ERN1: variants seen among roughly 807,000 people sequenced by gnomAD.
ERN1 encodes serine/threonine-protein kinase/endoribonuclease IRE1.
ERN1 carries 39 observed loss-of-function variants against 113.1 expected under a neutral mutation model. That is an observed-to-expected ratio of 0.34 (90% CI 0.27 to 0.45). The LOEUF is 0.45. Among genes scored for constraint, ERN1 ranks in the 20% least tolerant of loss-of-function variants. ERN1 has a pLI of 1.00. For synonymous variants in ERN1, 507 were observed against 515.9 expected (o/e 0.98, Z 0.23); for missense variants, 976 against 1,274.8 (o/e 0.77, Z 3.57).
At position 64,046,746 on chromosome 17, in the gene ERN1, T is replaced by C. The variant is rs1393885712; in HGVS notation, c.2529+1112A>G. Among the ~76,000 whole-genome samples the C allele has an allele frequency of 1.1e-4, 17 of 152,274 alleles. No individual in the cohort carries two copies. The East Asian group carries it at 1.2e-3, about 10-fold the overall frequency. On this transcript the variant is annotated intron_variant, in intron 19 of 21. Transcript: ENST00000433197. ...CCAGTCAGACCCCAGGAGAGCATGA[T>C]GGTCACTTCTCAGTACGGTGCCCAC... is the stretch of plus-strand genomic sequence containing the variant.
rs185159099 is a variant in ERN1 at position 64,044,790 on chromosome 17, T to C, written c.2721+70A>G. The C allele has an allele frequency of 3.2e-5, 32 of 1,006,054 alleles. No homozygotes were observed. The highest frequency in any genetic ancestry group is 4.5e-5 in the Non-Finnish European group (29 of 650,520). 62.3% of individuals were successfully genotyped at this position (1,006,054 alleles called of 1,614,324 possible). ...GTACAGATAAAAGATTTATAAAGAA[T>C]GGATGAAAGGAGGAAGGTGTCCATG... On this transcript the variant is annotated intron_variant, in intron 21 of 21. Coordinates refer to ENST00000433197, the MANE Select transcript of ERN1 (RefSeq NM_001433.5). This position sits in a 1 kb window ranked among gnomAD's most constrained non-coding sequence, Gnocchi z 4.1.
rs768435979 is a variant in ERN1 at position 64,080,734 on chromosome 17, A to G, written c.209+41T>C. On this transcript the variant is annotated intron_variant, in intron 3 of 21. Transcript: ENST00000433197. ...CATAAACACTGATTGAATGAAGAAG[A>G]CTGAATTAAAGGGAAGTACTGAGCG... is the stretch of plus-strand genomic sequence containing the variant. 13 of 1,588,796 alleles carry G rather than the reference A, an allele frequency of 8.2e-6. 1 individual carries two copies. The highest frequency in any genetic ancestry group is 1.7e-4 in the Middle Eastern group (1 of 6,008).
At chr17:64,064,574 C>T (rs1347632422) in intron 9 of ERN1, among the ~76,000 whole-genome samples, 1 of 152,194 alleles carries the variant, frequency 6.6e-6, no homozygotes, top group Non-Finnish European at 1.5e-5. Context: ...TGTCTATTCA[C>T]AGAAGCAGCC....
chr17:64,051,094 C>CA (rs1187508051), intron 17 of ERN1, among the ~76,000 whole-genome samples: 1 of 138,662 alleles, frequency 7.2e-6, no homozygotes, highest in African/African-American at 2.7e-5. Context: ...AAGTAAATAA[C>CA]AAAAAAAGGA....
chr17:64,051,687 T>G (rs1912689568), intron 17 of ERN1, among the ~76,000 whole-genome samples: 1 of 152,194 alleles, frequency 6.6e-6, no homozygotes, highest in Non-Finnish European at 1.5e-5. Context: ...TGGAAAGATT[T>G]GTAAATTCCA....
Position 64,041,501 on chromosome 17 carries a change from A to G in ERN1, c.*2487T>C, listed in dbSNP as rs1912336759. The stretch of plus-strand genomic sequence containing the variant: ...AGAATTCTCGAGACTAGAACTGGAT[A>G]CACCAGATGATGCCCAAGGTGTTTT... On this transcript the variant is annotated 3_prime_UTR_variant, in exon 22 of 22. Transcript: ENST00000433197. 1 of 152,208 alleles carries G rather than the reference A, an allele frequency of 6.6e-6. No homozygotes were observed. The highest frequency in any genetic ancestry group is 1.5e-5 in the Non-Finnish European group (1 of 68,044). The allele number at this position is 152,208 out of a possible 1,614,324, so 9.4% of individuals were successfully genotyped here.
rs751106915 is a variant in ERN1, at chr17:64,068,190, T to C, written c.580A>G (p.Lys194Glu). 5.0e-6 allele frequency: 8 copies of C among 1,603,832 alleles called. No individual in the cohort carries two copies. In the East Asian group the frequency reaches 9.0e-5, roughly 18 times the overall value. ...GTGAAATCCAGCAGAGAGCACTTAC[T>C]GTAGTCCACGTCGTCCTCAGGCAGT... is the stretch of plus-strand genomic sequence containing the variant. The part of the protein sequence containing the change: ...ASLPEDDVDY[K>E]MSHFVSNGDG... Residue 194 changes from lysine to glutamate, a missense_variant and splice_region_variant, in exon 7 of 22, where the codon AAG (lysine) becomes GAG (glutamate). Coordinates refer to ENST00000433197, the MANE Select transcript of ERN1 (RefSeq NM_001433.5).
chr17:64,068,635 T>G (rs1036098466), intron 6 of ERN1, among the ~76,000 whole-genome samples: 1 of 152,186 alleles, frequency 6.6e-6, no homozygotes, highest in African/African-American at 2.4e-5. Context: ...ATTGGCACCT[T>G]GAAGCAGGAT....
At chr17:64,065,410 G>A (rs527687133) in intron 8 of ERN1, 123 bp from the exon 9 acceptor site, 207 of 670,080 alleles carry the variant, frequency 3.1e-4, no homozygotes, top group African/African-American at 2.1e-3. Flanking sequence ...AGACATGGAG[G>A]AACGCAGTAG....
intron 1 of ERN1, among the ~76,000 whole-genome samples, chr17:64,099,212 A>T (rs1476669763): frequency 6.6e-6 from 1 of 152,232 alleles, no homozygotes; most frequent in African/African-American, 2.4e-5. Flanking sequence ...ATGCTTATAT[A>T]CATTATCAAT....
chr17:64,054,812 C>T lies in ERN1; in HGVS notation c.1689G>A (p.Val563=). 1.2e-6 allele frequency: 2 copies of T among 1,608,582 alleles called. No homozygotes were observed. The highest frequency in any genetic ancestry group is 1.1e-5 in the South Asian group (1 of 89,468). ...EQDDGDEETS[V]VIVGKISFCP... ...AGAAGGAAATTTTCCCAACTATCAC[C>T]ACGCTGGTTTCCTCATCTGGGACAA... The change falls in exon 14 of 22, where the codon GTG becomes GTA. Residue 563 remains valine, a synonymous_variant. Coordinates refer to ENST00000433197, the MANE Select transcript of ERN1 (RefSeq NM_001433.5). This position sits in a 1 kb window ranked among gnomAD's most constrained non-coding sequence, Gnocchi z 4.9.
At chr17:64,117,480 GAAAT>G (rs962743517) in intron 1 of ERN1, among the ~76,000 whole-genome samples, 8 of 151,950 alleles carry the variant, frequency 5.3e-5, no homozygotes, top group African/African-American at 1.9e-4. Flanking sequence ...AAAGAAAAAA[GAAAT>G]AGAAAGTAAA....
rs117654549 is a variant in ERN1 at position 64,050,991 on chromosome 17, C to T, written c.2253+1789G>A. 4.0e-3 allele frequency among the ~76,000 whole-genome samples: 609 copies of T among 152,128 alleles called. 2 individuals carry two copies. Among genetic ancestry groups the T allele is most frequent in the Non-Finnish European group, 6.4e-3 (437 of 67,992 alleles). On this transcript the variant is annotated intron_variant, in intron 17 of 21. Transcript: ENST00000433197. ...GCGACTTGTGCTAGAATAAGGTGCT[C>T]AAGTGTGAGTGCGCTCCCAGCAAAT...
chr17:64,089,159 A>C (rs1417258781), intron 2 of ERN1, among the ~76,000 whole-genome samples: 1 of 151,994 alleles, frequency 6.6e-6, no homozygotes, highest in Non-Finnish European at 1.5e-5. Context: ...CTCTACTAAA[A>C]ATACAAAAAA....
At chr17:64,068,038 G>C (rs1598056788) in intron 7 of ERN1, 152 bp downstream of exon 7, 2 of 600,008 alleles carry the variant, frequency 3.3e-6, no homozygotes, top group Non-Finnish European at 6.0e-6. Context: ...ACTGTGGGAA[G>C]TATTTATGAT....
In ERN1 at chr17:64,049,565, C is replaced by T. The variant is rs1489443803; in HGVS notation, c.2254-363G>A. The stretch of plus-strand genomic sequence containing the variant: ...CTCCTGGCTGTTATATATTCCTTAC[C>T]CCCAACACGAAAGTGCTCACAGACA... On this transcript the variant is annotated intron_variant, in intron 17 of 21. Coordinates refer to ENST00000433197, the MANE Select transcript of ERN1 (RefSeq NM_001433.5). The surrounding 1 kb of genome is among the most constrained non-coding windows in gnomAD (Gnocchi z 4.7). Among the ~76,000 whole-genome samples, 2 of 152,128 alleles carry T rather than the reference C, an allele frequency of 1.3e-5. No individual in the cohort carries two copies. Among genetic ancestry groups the T allele is most frequent in the African/African-American group, 4.8e-5 (2 of 41,424 alleles).
At chr17:64,102,900 TA>T (rs34921829) in intron 1 of ERN1, 46,134 of 548,830 alleles carry the variant, frequency 0.084, no homozygotes, top group Non-Finnish European at 0.097. Flanking sequence ...GTTGGGAGGT[TA>T]AAAAAAAAAA....
chr17:64,111,540 A>G (rs1216510978), intron 1 of ERN1, among the ~76,000 whole-genome samples: 2 of 152,100 alleles, frequency 1.3e-5, no homozygotes, highest in African/African-American at 2.4e-5. Context: ...TATTTTTAGT[A>G]GAAACGAGGT....
chr17:64,079,382 C>G (rs1913696532), intron 4 of ERN1, among the ~76,000 whole-genome samples: 4 of 152,160 alleles, frequency 2.6e-5, no homozygotes, highest in South Asian at 2.1e-4. Context: ...AGAGCAAACC[C>G]TGTTCTTAAC....
Sources: allele counts gnomAD v4.1 joint callset (sites outside exome capture counted in the v4.1 genomes callset), GRCh38; gene constraint gnomAD v4.1.1; non-coding constraint Gnocchi (gnomAD v3.1); transcripts MANE v1.5; gene names NCBI Gene and HGNC (gene_info 2026-07-23, HGNC 2026-07-21).